BORCS5: variants seen among roughly 807,000 people sequenced by gnomAD.
The protein encoded by BORCS5 is BLOC-1-related complex subunit 5.
BORCS5 carries 17 observed loss-of-function variants against 22.1 expected under a neutral mutation model. That is an observed-to-expected ratio of 0.77 (90% CI 0.53 to 1.15). The LOEUF (loss-of-function observed/expected upper bound fraction) is 1.15. Ranked by LOEUF, BORCS5 falls within the 50% of genes most tolerant of loss-of-function variation. BORCS5 has a pLI of 0.00. For synonymous variants in BORCS5, 117 were observed against 99.8 expected, an observed-to-expected ratio of 1.17 and a Z score of -1.03; for missense variants, 247 against 253.2, an observed-to-expected ratio of 0.98 and a Z score of 0.17.
Position 12,420,403 on chromosome 12 carries a change from A to G in BORCS5, c.203-15225A>G, listed in dbSNP as rs560026053. On this transcript the variant is annotated intron_variant, in intron 2 of 3. Transcript: ENST00000314565. ...GGGCTCTGTTCTGTTCCATTGGTCT[A>G]TATCTCTGTTTTGGTACCAGTACCA... is the stretch of plus-strand genomic sequence containing the variant. 5.3e-5 allele frequency among the ~76,000 whole-genome samples: 8 copies of G among 152,194 alleles called. No individual in the cohort carries two copies. In the South Asian group the frequency reaches 1.7e-3, roughly 32 times the overall value.
Position 12,467,292 on chromosome 12 carries a change from A to G in BORCS5, c.*1516A>G, listed in dbSNP as rs1157355938. 2.0e-5 allele frequency: 3 copies of G among 152,266 alleles called. No individual in the cohort carries two copies. The highest frequency in any genetic ancestry group is 7.2e-5 in the African/African-American group (3 of 41,468). 9.4% of individuals were successfully genotyped at this position (152,266 alleles called of 1,614,324 possible). On this transcript the variant is annotated 3_prime_UTR_variant, in exon 4 of 4. Transcript: ENST00000314565. ...CTTCGAGGAATGAAGGGCTGTTTAC[A>G]GAGCTACAAAAATAGCTTAGGTGCC...
chr12:12,374,915 C>T (rs1863614389), intron 2 of BORCS5, among the ~76,000 whole-genome samples: 1 of 145,542 alleles, frequency 6.9e-6, no homozygotes, highest in African/African-American at 2.6e-5. Context: ...GAGATTGCGT[C>T]ACTGCATCCA....
chr12:12,405,887 G>A (rs1941584457), intron 2 of BORCS5, among the ~76,000 whole-genome samples: 1 of 152,220 alleles, frequency 6.6e-6, no homozygotes, highest in South Asian at 2.1e-4. Flanking sequence ...AAAGGAATGT[G>A]GATAGCTCAC....
intron 2 of BORCS5, among the ~76,000 whole-genome samples, chr12:12,421,910 T>C (rs1336607660): frequency 6.6e-6 from 1 of 152,244 alleles, no homozygotes; most frequent in Non-Finnish European, 1.5e-5. Flanking sequence ...CCCTTTATCA[T>C]TTGTTATTGT....
At chr12:12,415,285 G>T (rs879829014) in intron 2 of BORCS5, among the ~76,000 whole-genome samples, 2 of 150,590 alleles carry the variant, frequency 1.3e-5, no homozygotes, top group African/African-American at 2.4e-5. Context: ...ACGAGACTCC[G>T]TCTGCAATCC....
chr12:12,462,691 C>T (rs1943130840), intron 3 of BORCS5, among the ~76,000 whole-genome samples: 1 of 151,894 alleles, frequency 6.6e-6, no homozygotes, highest in South Asian at 2.1e-4. Context: ...GAGTCTCGCT[C>T]TGTCACCCAG....
At chr12:12,357,583 G>A in intron 1 of BORCS5, 74 bp downstream of exon 1, 1 of 1,482,466 alleles carries the variant, frequency 6.7e-7, no homozygotes, top group Non-Finnish European at 9.2e-7. Flanking sequence ...CCCAGACTAG[G>A]GTCAGGGACT....
intron 2 of BORCS5, among the ~76,000 whole-genome samples, chr12:12,416,133 G>C (rs1172943086): frequency 6.6e-6 from 1 of 152,136 alleles, no homozygotes; most frequent in African/African-American, 2.4e-5. Context: ...ATAGTACCTT[G>C]TAAAGTCATT....
chr12:12,401,753 A>T (rs1941481645), intron 2 of BORCS5, among the ~76,000 whole-genome samples: 1 of 152,118 alleles, frequency 6.6e-6, no homozygotes, highest in South Asian at 2.1e-4. Flanking sequence ...ATGTCATTGG[A>T]TATTGTTTGA....
At chr12:12,446,519 A>G (rs766220633) in intron 3 of BORCS5, among the ~76,000 whole-genome samples, 9 of 152,212 alleles carry the variant, frequency 5.9e-5, no homozygotes, top group Non-Finnish European at 1.2e-4. Context: ...GTTCTGAACT[A>G]GAGTCTTATT....
At chr12:12,448,997 G>A (rs139250096) in intron 3 of BORCS5, among the ~76,000 whole-genome samples, 1 of 152,182 alleles carries the variant, frequency 6.6e-6, no homozygotes, top group Non-Finnish European at 1.5e-5. Context: ...CTTTAAAATA[G>A]CCCTGAAGAC....
chr12:12,362,218 T>C (rs1863302063), intron 2 of BORCS5, among the ~76,000 whole-genome samples: 1 of 152,324 alleles, frequency 6.6e-6, no homozygotes, highest in East Asian at 1.9e-4. Flanking sequence ...AAGATAAGCT[T>C]CTTATAAGCC....
chr12:12,362,285 C>G (rs1863303774), intron 2 of BORCS5, among the ~76,000 whole-genome samples: 1 of 152,138 alleles, frequency 6.6e-6, no homozygotes, highest in African/African-American at 2.4e-5. Context: ...TCATTGATGT[C>G]AAATCCTATA....
At chr12:12,387,632 A>G (rs941881039) in intron 2 of BORCS5, among the ~76,000 whole-genome samples, 1 of 151,450 alleles carries the variant, frequency 6.6e-6, no homozygotes, top group African/African-American at 2.4e-5. Flanking sequence ...TCTTTTCTGC[A>G]TGATATATTC....
At position 12,384,112 on chromosome 12, in the gene BORCS5, G is replaced by A. The variant is rs190061763; in HGVS notation, c.202+22763G>A. ...CTTTTCAACTCCAAGATTTCTGTTT[G>A]GTTTCTTATTTTTAAAAATTTTATG... On this transcript the variant is annotated intron_variant, in intron 2 of 3. Coordinates refer to ENST00000314565, the MANE Select transcript of BORCS5 (RefSeq NM_058169.6). Among the ~76,000 whole-genome samples, 26 of 150,604 alleles carry A rather than the reference G, an allele frequency of 1.7e-4. 3 individuals are homozygous for A. Among genetic ancestry groups the A allele is most frequent in the Non-Finnish European group, 2.8e-4 (19 of 67,438 alleles).
intron 2 of BORCS5, among the ~76,000 whole-genome samples, chr12:12,426,751 G>A (rs753827740): frequency 6.6e-6 from 1 of 152,180 alleles, no homozygotes. Context: ...GAAAATTGAG[G>A]CTCAAAGATG....
Position 12,470,220 on chromosome 12 carries a change from G to C in BORCS5, c.*4444G>C, listed in dbSNP as rs527540929. Among the ~76,000 whole-genome samples, 4 of 152,130 alleles carry C rather than the reference G, an allele frequency of 2.6e-5. No homozygotes were observed. In the East Asian group the frequency reaches 7.7e-4, roughly 29 times the overall value. On this transcript the variant is annotated 3_prime_UTR_variant, in exon 4 of 4. Transcript: ENST00000314565. ...CGAGTAGCTGGGACTACAGGTGCCCGCCACCACACCCGGCTAATTTTTTAT... is the reference window on the plus strand; with the variant it reads ...CGAGTAGCTGGGACTACAGGTGCCCCCCACCACACCCGGCTAATTTTTTAT...
chr12:12,392,237 C>G (rs548536902), intron 2 of BORCS5, among the ~76,000 whole-genome samples: 3 of 151,746 alleles, frequency 2.0e-5, no homozygotes, highest in Non-Finnish European at 4.4e-5. Flanking sequence ...GTATTAGTGT[C>G]CCTTTTAGAG....
chr12:12,380,306 C>A (rs945370635), intron 2 of BORCS5, among the ~76,000 whole-genome samples: 1 of 151,098 alleles, frequency 6.6e-6, no homozygotes, highest in African/African-American at 2.4e-5. Context: ...AACACAGTAT[C>A]TGTGAAGCAC....
Sources: gnomAD v4.1 joint callset for allele counts (sites outside exome capture counted in the v4.1 genomes callset) on GRCh38, gnomAD v4.1.1 for gene constraint, MANE v1.5 for transcripts, NCBI Gene and HGNC (gene_info 2026-07-23, HGNC 2026-07-21) for gene names.